FANCC: variants seen among roughly 807,000 people sequenced by gnomAD.
FANCC encodes Fanconi anemia group C protein.
A neutral mutation model predicts 71.3 loss-of-function variants in FANCC; 55 were observed. The observed-to-expected ratio is 0.77, with a 90% confidence interval of 0.62 to 0.97. The LOEUF (loss-of-function observed/expected upper bound fraction) is 0.97, where lower values mean the gene tolerates loss of function less well. Among genes scored for constraint, FANCC ranks in the 50% least tolerant of loss-of-function variants. The pLI is 0.00. For missense variants in FANCC, 678 were observed against 670.9 expected, an observed-to-expected ratio of 1.01 and a Z score of -0.12; for synonymous variants, 275 against 244.9, an observed-to-expected ratio of 1.12 and a Z score of -1.15.
chr9:95,217,237 G>A (rs2135913371), intron 4 of FANCC, among the ~76,000 whole-genome samples: 1 of 152,296 alleles, frequency 6.6e-6, no homozygotes, highest in African/African-American at 2.4e-5. Flanking sequence ...TGTAATCCCA[G>A]CACTTTGGGA....
chr9:95,240,048 C>T (rs948832543), intron 4 of FANCC, among the ~76,000 whole-genome samples: 1 of 152,186 alleles, frequency 6.6e-6, no homozygotes, highest in African/African-American at 2.4e-5. Context: ...CTTATGCCTA[C>T]CCTTCAGGAG....
chr9:95,230,625 T>C (rs1471459717), intron 4 of FANCC, among the ~76,000 whole-genome samples: 1 of 151,930 alleles, frequency 6.6e-6, no homozygotes, highest in Non-Finnish European at 1.5e-5. Context: ...ACTTCAGGAG[T>C]GAAGCCGCAG....
Position 95,161,748 on chromosome 9 carries a change from A to G in FANCC, c.521+9331T>C, listed in dbSNP as rs368170413. On this transcript the variant is annotated intron_variant, in intron 6 of 14. Transcript: ENST00000289081. ...CTCTAAAACTTTCATATCTTGCAAAACCAAAACTCTATACCCATTGAACAA... is the reference window on the plus strand; with the variant it reads ...CTCTAAAACTTTCATATCTTGCAAAGCCAAAACTCTATACCCATTGAACAA... Among the ~76,000 whole-genome samples the G allele has an allele frequency of 4.3e-3, 657 of 152,158 alleles. 50 individuals are homozygous for G. The South Asian group carries it at 0.13, about 31-fold the overall frequency.
At chr9:95,121,919 G>A (rs948551812) in intron 10 of FANCC, among the ~76,000 whole-genome samples, 3 of 150,300 alleles carry the variant, frequency 2.0e-5, no homozygotes, top group African/African-American at 7.4e-5. Flanking sequence ...GTGCAGTGGC[G>A]CAATCTCAGC....
At chr9:95,129,367 T>C (rs1416612552) in intron 8 of FANCC, among the ~76,000 whole-genome samples, 1 of 152,238 alleles carries the variant, frequency 6.6e-6, no homozygotes, top group African/African-American at 2.4e-5. Context: ...CTTATCAAGA[T>C]AATCTTCCAA....
chr9:95,293,935 A>G (rs1834219124), intron 1 of FANCC: 1 of 1,590,328 alleles, frequency 6.3e-7, no homozygotes, highest in East Asian at 2.2e-5. Flanking sequence ...AAGTAACATT[A>G]TAAGCAACAG....
intron 1 of FANCC, among the ~76,000 whole-genome samples, chr9:95,307,705 A>C (rs1463380098): frequency 1.3e-5 from 2 of 152,242 alleles, no homozygotes; most frequent in Non-Finnish European, 2.9e-5. Context: ...AACTGTCCAA[A>C]GAAGATAGCC....
intron 1 of FANCC, among the ~76,000 whole-genome samples, chr9:95,251,796 T>C (rs1831346610): frequency 6.6e-6 from 1 of 152,216 alleles, no homozygotes; most frequent in African/African-American, 2.4e-5. Context: ...ACTAATTTAA[T>C]CATTACAGCA....
In FANCC at chr9:95,150,885, G is replaced by A. The variant is rs1830133717; in HGVS notation, c.522-798C>T. On this transcript the variant is annotated intron_variant, in intron 6 of 14. Coordinates refer to ENST00000289081, the MANE Select transcript of FANCC (RefSeq NM_000136.3). ...TGCAGCTCAAATGTCCCTTTGTTAA[G>A]TGAGGTCTTCTCTGATCATCCCATG... is the stretch of plus-strand genomic sequence containing the variant. Among the ~76,000 whole-genome samples, 4 of 152,186 alleles carry A rather than the reference G, an allele frequency of 2.6e-5. No homozygotes were observed. In the South Asian group the frequency reaches 8.3e-4, roughly 32 times the overall value.
intron 13 of FANCC, chr9:95,111,012 C>T (rs1375630917): frequency 7.0e-7 from 1 of 1,435,606 alleles, no homozygotes; most frequent in Non-Finnish European, 9.1e-7. Flanking sequence ...GATCTGTTGA[C>T]TGATCCAAGA....
At chr9:95,131,412 T>C (rs1212491237) in intron 8 of FANCC, among the ~76,000 whole-genome samples, 2 of 152,164 alleles carry the variant, frequency 1.3e-5, no homozygotes, top group Non-Finnish European at 2.9e-5. Context: ...TTTTTGGGTT[T>C]TTCCCTCTCT....
At position 95,271,889 on chromosome 9, in the gene FANCC, G is replaced by A. The variant is rs911292629; in HGVS notation, c.-78-22520C>T. ...ACTCACCAACCACCTTCCAAAGTAT[G>A]GCTCCTTCCCTCTTCCATCAATCCC... is the stretch of plus-strand genomic sequence containing the variant. On this transcript the variant is annotated intron_variant, in intron 1 of 14. Coordinates refer to ENST00000289081, the MANE Select transcript of FANCC (RefSeq NM_000136.3). 2.8e-5 allele frequency among the ~76,000 whole-genome samples: 4 copies of A among 143,498 alleles called. No homozygotes were observed. In the East Asian group the frequency reaches 8.3e-4, roughly 30 times the overall value. 94.1% of individuals were successfully genotyped at this position (143,498 alleles called of 152,430 possible).
chr9:95,308,053 T>A (rs1023349127), intron 1 of FANCC, among the ~76,000 whole-genome samples: 3 of 152,186 alleles, frequency 2.0e-5, no homozygotes, highest in Non-Finnish European at 4.4e-5. Context: ...CAGTAATACC[T>A]TAGAAACAAT....
chr9:95,230,875 G>C (rs2404459), intron 4 of FANCC, among the ~76,000 whole-genome samples: 1,635 of 152,240 alleles, frequency 0.011, 99 homozygotes, highest in Admixed American at 0.094. Flanking sequence ...ACAGAGTGCT[G>C]ATTGGTGCAT....
At chr9:95,168,892 G>T (rs1739076921) in intron 6 of FANCC, among the ~76,000 whole-genome samples, 1 of 152,148 alleles carries the variant, frequency 6.6e-6, no homozygotes, top group Non-Finnish European at 1.5e-5. Context: ...GTCCCATCTG[G>T]AACATGAATC....
intron 7 of FANCC, among the ~76,000 whole-genome samples, chr9:95,147,965 A>G (rs575740455): frequency 3.3e-5 from 5 of 152,168 alleles, no homozygotes; most frequent in Admixed American, 6.5e-5. Flanking sequence ...AAAGTACTGA[A>G]TAACTATTTT....
intron 11 of FANCC, 42 bp downstream of exon 11, chr9:95,117,273 C>T (rs373495089): frequency 2.5e-5 from 40 of 1,571,920 alleles, no homozygotes; most frequent in Non-Finnish European, 3.4e-5. Flanking sequence ...ATGCTCTTCC[C>T]AGGAAATCAT....
At chr9:95,240,564 C>T (rs1198042922) in intron 4 of FANCC, 85 bp downstream of exon 4, 16 of 909,314 alleles carry the variant, frequency 1.8e-5, no homozygotes, top group Non-Finnish European at 2.7e-5. Flanking sequence ...AACTGGATTC[C>T]ACCCCACCCC....
intron 4 of FANCC, among the ~76,000 whole-genome samples, chr9:95,204,785 T>A (rs1828015052): frequency 6.6e-6 from 1 of 152,174 alleles, no homozygotes; most frequent in South Asian, 2.1e-4. Context: ...AAATTCAGCA[T>A]CCTTAACTTG....
Sources: gnomAD v4.1 joint callset for allele counts (sites outside exome capture counted in the v4.1 genomes callset) on GRCh38, gnomAD v4.1.1 for gene constraint, MANE v1.5 for transcripts, NCBI Gene and HGNC (gene_info 2026-07-23, HGNC 2026-07-21) for gene names.